GABRG3: variants seen among roughly 807,000 people sequenced by gnomAD.
The protein encoded by GABRG3 is gamma-aminobutyric acid receptor subunit gamma-3.
A neutral mutation model predicts 48.8 loss-of-function variants in GABRG3; 25 were observed. The ratio of observed to expected loss-of-function variants is 0.51; its 90% confidence interval spans 0.37 to 0.72. The LOEUF (loss-of-function observed/expected upper bound fraction) is 0.72. Among genes scored for constraint, GABRG3 ranks in the 30% least tolerant of loss-of-function variants. GABRG3 has a pLI of 0.00. For missense variants in GABRG3, 394 were observed against 577.9 expected, an observed-to-expected ratio of 0.68 and a Z score of 3.26; for synonymous variants, 227 against 217.6, an observed-to-expected ratio of 1.04 and a Z score of -0.38.
At chr15:27,272,282 A>G (rs7495371) in intron 3 of GABRG3, among the ~76,000 whole-genome samples, 92,298 of 152,114 alleles carry the variant, frequency 0.61, 28,637 homozygotes, top group Non-Finnish European at 0.65. Flanking sequence ...AGGTGGCCTC[A>G]TCTCTTGGGC....
rs185835270 is a variant in GABRG3 at position 27,074,641 on chromosome 15, A to C, written c.270+47820A>C. Among the ~76,000 whole-genome samples the C allele has an allele frequency of 4.8e-3, 713 of 147,518 alleles. 14 individuals carry two copies. In the East Asian group the frequency reaches 0.049, roughly 10 times the overall value. On this transcript the variant is annotated intron_variant, in intron 3 of 9. Coordinates refer to ENST00000615808, the MANE Select transcript of GABRG3 (RefSeq NM_033223.5). ...TGTGTGAATATATTCCATAGCATTTACTTTTTTTTTTTTTTACAAGATTGA... is the reference window on the plus strand; with the variant it reads ...TGTGTGAATATATTCCATAGCATTTCCTTTTTTTTTTTTTTACAAGATTGA...
At chr15:27,169,796 A>G (rs748616260) in intron 3 of GABRG3, among the ~76,000 whole-genome samples, 5 of 152,210 alleles carry the variant, frequency 3.3e-5, no homozygotes, top group Non-Finnish European at 5.9e-5. Context: ...AAAGAAAAAA[A>G]TCCAAAAGCA....
chr15:27,298,987 T>C (rs1021162161), intron 3 of GABRG3, among the ~76,000 whole-genome samples: 1 of 152,200 alleles, frequency 6.6e-6, no homozygotes, highest in East Asian at 1.9e-4. Context: ...TCTCCCATTG[T>C]GTAAGACATA....
chr15:27,388,305 A>G (rs1475225238), intron 5 of GABRG3, among the ~76,000 whole-genome samples: 1 of 43,046 alleles, frequency 2.3e-5, no homozygotes, highest in Admixed American at 2.6e-4. Flanking sequence ...AGAAGGAAGG[A>G]AAGGGAGGGA....
chr15:27,097,098 C>T (rs1341285782), intron 3 of GABRG3, among the ~76,000 whole-genome samples: 13 of 151,688 alleles, frequency 8.6e-5, no homozygotes, highest in African/African-American at 2.7e-4. Context: ...GTGATCCTCC[C>T]GCTTTGGCCT....
intron 9 of GABRG3, chr15:27,530,921 C>T: frequency 3.0e-6 from 1 of 335,322 alleles, no homozygotes; most frequent in Non-Finnish European, 6.0e-6. Context: ...GATCTTTCAA[C>T]CGGAGGTTGT....
intron 2 of GABRG3, among the ~76,000 whole-genome samples, chr15:27,016,995 A>T (rs1038525327): frequency 1.2e-4 from 18 of 152,272 alleles, no homozygotes; most frequent in Admixed American, 2.6e-4. Flanking sequence ...GTTCATTTTT[A>T]AAAATTTCAT....
At chr15:27,368,860 A>C (rs896355158) in intron 5 of GABRG3, among the ~76,000 whole-genome samples, 3 of 152,134 alleles carry the variant, frequency 2.0e-5, no homozygotes, top group Admixed American at 2.0e-4. Flanking sequence ...TGGGGAATGG[A>C]AGGCATTGAG....
intron 3 of GABRG3, among the ~76,000 whole-genome samples, chr15:27,084,820 C>T (rs186677177): frequency 6.6e-6 from 1 of 152,270 alleles, no homozygotes; most frequent in Non-Finnish European, 1.5e-5. Flanking sequence ...AGGGGGGTGC[C>T]ACTCTCTCTG....
chr15:27,251,354 C>T (rs1331397501), intron 3 of GABRG3, among the ~76,000 whole-genome samples: 1 of 152,046 alleles, frequency 6.6e-6, no homozygotes, highest in African/African-American at 2.4e-5. Flanking sequence ...CAGGCTTTTC[C>T]CAGACAGGTT....
At chr15:27,061,400 T>A (rs1190237985) in intron 3 of GABRG3, among the ~76,000 whole-genome samples, 1 of 152,078 alleles carries the variant, frequency 6.6e-6, no homozygotes, top group African/African-American at 2.4e-5. Context: ...TTAGGGTTTT[T>A]AATAAGTCTA....
intron 5 of GABRG3, among the ~76,000 whole-genome samples, chr15:27,438,112 C>A (rs1031918612): frequency 1.3e-5 from 2 of 152,114 alleles, no homozygotes; most frequent in African/African-American, 4.8e-5. Context: ...ATCAGAAGCT[C>A]CAGGGATCCA....
intron 5 of GABRG3, among the ~76,000 whole-genome samples, chr15:27,389,297 T>C (rs545892347): frequency 6.6e-6 from 1 of 152,304 alleles, no homozygotes; most frequent in South Asian, 2.1e-4. Flanking sequence ...TATCCAGTGG[T>C]AAGTGTGTGT....
intron 5 of GABRG3, among the ~76,000 whole-genome samples, chr15:27,405,702 A>G (rs1887609741): frequency 6.6e-6 from 1 of 152,068 alleles, no homozygotes; most frequent in African/African-American, 2.4e-5. Context: ...TTTTTTCTGT[A>G]TGTGTGTGTG....
intron 9 of GABRG3, among the ~76,000 whole-genome samples, chr15:27,528,661 A>G (rs1417492729): frequency 6.6e-6 from 1 of 151,966 alleles, no homozygotes; most frequent in African/African-American, 2.4e-5. Context: ...ACGCAGGAAA[A>G]TGAGCTCTGC....
At chr15:27,290,031 T>C (rs1891745573) in intron 3 of GABRG3, among the ~76,000 whole-genome samples, 1 of 151,952 alleles carries the variant, frequency 6.6e-6, no homozygotes, top group African/African-American at 2.4e-5. Flanking sequence ...GAGAAGGAAA[T>C]ATATCAGAAG....
chr15:27,318,104 C>T (rs1893294659), intron 3 of GABRG3, among the ~76,000 whole-genome samples: 1 of 152,104 alleles, frequency 6.6e-6, no homozygotes, highest in Non-Finnish European at 1.5e-5. Context: ...TAAACCAGCC[C>T]CATTCTAATG....
chr15:27,136,550 G>A (rs1346366143), intron 3 of GABRG3, among the ~76,000 whole-genome samples: 1 of 152,098 alleles, frequency 6.6e-6, no homozygotes, highest in Non-Finnish European at 1.5e-5. Flanking sequence ...TTTCAGGCAT[G>A]GGATCAGCTG....
At position 27,392,934 on chromosome 15, in the gene GABRG3, T is replaced by G. The variant is rs1887180566; in HGVS notation, c.574+64046T>G. ...TGATTATATTTTTTATATTACATTT[T>G]CTTTCTTACATTCTGGCATTTCAAG... On this transcript the variant is annotated intron_variant, in intron 5 of 9. Transcript: ENST00000615808. 2.0e-5 allele frequency among the ~76,000 whole-genome samples: 3 copies of G among 152,232 alleles called. No individual in the cohort carries two copies. The South Asian group carries it at 6.2e-4, about 31-fold the overall frequency.
Sources: allele counts gnomAD v4.1 joint callset (sites outside exome capture counted in the v4.1 genomes callset), GRCh38; gene constraint gnomAD v4.1.1; transcripts MANE v1.5; gene names NCBI Gene and HGNC (gene_info 2026-07-23, HGNC 2026-07-21).